Variants in NUDCD3 observed in about 807,000 individuals in gnomAD.
The protein encoded by NUDCD3 is NudC domain containing 3.
In NUDCD3, 13 loss-of-function variants were observed where a neutral mutation model predicts 39.7. The ratio of observed to expected loss-of-function variants is 0.33; its 90% CI spans 0.21 to 0.52. NUDCD3 has a LOEUF of 0.52. Among genes scored for constraint, NUDCD3 ranks in the 20% least tolerant of loss-of-function variants. NUDCD3 has a pLI of 0.96. For missense variants in NUDCD3, 453 were observed against 458.1 expected, an observed-to-expected ratio of 0.99 and a Z score of 0.10; for synonymous variants, 175 against 172.4, an observed-to-expected ratio of 1.02 and a Z score of -0.12.
Position 44,385,979 on chromosome 7 carries a change from C to A in NUDCD3, c.*32G>T, listed in dbSNP as rs1258059012. 2 of 1,119,598 alleles carry A rather than the reference C, an allele frequency of 1.8e-6. No homozygotes were observed. The highest frequency in any genetic ancestry group is 2.7e-6 in the Non-Finnish European group (2 of 729,538). The allele number at this position is 1,119,598 out of a possible 1,614,324, so 69.4% of individuals were successfully genotyped here. A position where few individuals can be genotyped will look rare whatever the true frequency, so the allele number is the denominator to read the frequency against. On this transcript the variant is annotated 3_prime_UTR_variant, in exon 6 of 6. Coordinates refer to ENST00000355451, the MANE Select transcript of NUDCD3 (RefSeq NM_015332.4). ...CAGCCGAGGATAAGGCTCTGCCTCC[C>A]CACCGGCGAGGGTTTCCTTTCCTTC...
intron 2 of NUDCD3, among the ~76,000 whole-genome samples, chr7:44,481,847 T>A (rs922798675): frequency 6.6e-6 from 1 of 152,180 alleles, no homozygotes; most frequent in East Asian, 1.9e-4. Context: ...CCTTCATGAC[T>A]GGAATTAGTG....
At chr7:44,418,759 G>A (rs1377049224) in intron 3 of NUDCD3, among the ~76,000 whole-genome samples, 6 of 152,188 alleles carry the variant, frequency 3.9e-5, no homozygotes, top group Admixed American at 6.5e-5. Context: ...TAGGCAGCGG[G>A]TGCAGCCCAC....
intron 2 of NUDCD3, among the ~76,000 whole-genome samples, chr7:44,428,663 C>A (rs915933095): frequency 6.6e-6 from 1 of 152,042 alleles, no homozygotes; most frequent in Non-Finnish European, 1.5e-5. Context: ...AAACACAGCA[C>A]TAAATACAGA....
intron 3 of NUDCD3, among the ~76,000 whole-genome samples, chr7:44,410,696 T>C (rs1476047520): frequency 7.2e-6 from 1 of 139,664 alleles, no homozygotes. Flanking sequence ...AGGCCAGGCA[T>C]GGTGGCTCAC....
At chr7:44,421,723 G>A (rs955036550) in intron 3 of NUDCD3, among the ~76,000 whole-genome samples, 1 of 152,094 alleles carries the variant, frequency 6.6e-6, no homozygotes. Flanking sequence ...ATAATAGTGG[G>A]AGACTTTAAC....
At chr7:44,462,953 G>C (rs1171366079) in intron 2 of NUDCD3, among the ~76,000 whole-genome samples, 2 of 121,690 alleles carry the variant, frequency 1.6e-5, no homozygotes, top group Admixed American at 8.1e-5. Flanking sequence ...GGCTGTGTGT[G>C]TGTGTGTGTG....
In NUDCD3 at chr7:44,380,125, A is replaced by G. The variant is rs910814728; in HGVS notation, c.*5886T>C. On this transcript the variant is annotated 3_prime_UTR_variant, in exon 6 of 6. Coordinates refer to ENST00000355451, the MANE Select transcript of NUDCD3 (RefSeq NM_015332.4). ...GTCATCAGGCACCCTGAATGCTTTC[A>G]GGTGGATGGTTTGGATCTCTCCTCA... is the stretch of plus-strand genomic sequence containing the variant. The G allele has an allele frequency of 6.6e-6, 1 of 152,274 alleles. No individual in the cohort carries two copies. Among genetic ancestry groups the G allele is most frequent in the African/African-American group, 2.4e-5 (1 of 41,434 alleles). 9.4% of individuals were successfully genotyped at this position (152,274 alleles called of 1,614,324 possible).
Position 44,468,290 on chromosome 7 carries a change from G to A in NUDCD3, c.509+16678C>T, listed in dbSNP as rs369827897. 1.3e-5 allele frequency: 20 copies of A among 1,505,926 alleles called. 1 individual carries two copies. The highest frequency in any genetic ancestry group is 7.8e-5 in the South Asian group (7 of 89,328). 93.3% of individuals were successfully genotyped at this position (1,505,926 alleles called of 1,614,324 possible). On this transcript the variant is annotated intron_variant, in intron 2 of 5. Transcript: ENST00000355451. ...CAACCCCAATGCCAGGCTGCGCAGC[G>A]AAGAAAATGAGTAGACAGCTCGTGT...
At chr7:44,402,821 C>G in intron 4 of NUDCD3, 1 of 395,720 alleles carries the variant, frequency 2.5e-6, no homozygotes, top group Non-Finnish European at 5.2e-6. Flanking sequence ...TAGTGTAATA[C>G]AGGCGGCCAG....
At position 44,490,655 on chromosome 7, in the gene NUDCD3, G is replaced by A. The variant is rs557827243; in HGVS notation, c.-55C>T. Reference sequence around the variant, plus strand: ...CACACAGCGCCGCCTCAGACCTGCCGACTGGCCACTTCCGGCGTCCGCAGC... The same window carrying A: ...CACACAGCGCCGCCTCAGACCTGCCAACTGGCCACTTCCGGCGTCCGCAGC... On this transcript the variant is annotated 5_prime_UTR_variant, in exon 1 of 6. Coordinates refer to ENST00000355451, the MANE Select transcript of NUDCD3 (RefSeq NM_015332.4). 5.4e-4 allele frequency: 811 copies of A among 1,510,326 alleles called. No homozygotes were observed. Among genetic ancestry groups the A allele is most frequent in the Non-Finnish European group, 6.5e-4 (736 of 1,128,884 alleles). The allele number at this position is 1,510,326 out of a possible 1,614,324, so 93.6% of individuals were successfully genotyped here. A position where few individuals can be genotyped will look rare whatever the true frequency, so the allele number is the denominator to read the frequency against.
intron 2 of NUDCD3, among the ~76,000 whole-genome samples, chr7:44,457,123 TTC>T (rs964776622): frequency 2.0e-5 from 3 of 152,178 alleles, no homozygotes; most frequent in Non-Finnish European, 4.4e-5. Context: ...CTCAAAAACT[TTC>T]TGTGTCATGG....
At chr7:44,455,122 T>C (rs1340317200) in intron 2 of NUDCD3, among the ~76,000 whole-genome samples, 1 of 152,090 alleles carries the variant, frequency 6.6e-6, no homozygotes, top group Non-Finnish European at 1.5e-5. Context: ...AGACAGTAAC[T>C]ACCACTTGTA....
In NUDCD3 at chr7:44,381,040, C is replaced by A. The variant is rs11765266; in HGVS notation, c.*4971G>T. 18,386 of 152,382 alleles carry A rather than the reference C, an allele frequency of 0.12. 1,500 individuals are homozygous for A. Among genetic ancestry groups the A allele is most frequent in the Non-Finnish European group, 0.18 (12,299 of 68,062 alleles). 9.4% of individuals were successfully genotyped at this position (152,382 alleles called of 1,614,324 possible). On this transcript the variant is annotated 3_prime_UTR_variant, in exon 6 of 6. Transcript: ENST00000355451. ...AGCAGGCTCCTAACAGCCTGAGTGA[C>A]CTCCTCATAGCATGGGGTCAGTGCA...
chr7:44,475,585 C>T (rs1800350438), intron 2 of NUDCD3, among the ~76,000 whole-genome samples: 1 of 151,794 alleles, frequency 6.6e-6, no homozygotes, highest in African/African-American at 2.4e-5. Context: ...CAGGGAGTCT[C>T]GTCTCTACAA....
intron 2 of NUDCD3, among the ~76,000 whole-genome samples, chr7:44,450,867 T>C (rs906991761): frequency 2.0e-5 from 3 of 152,154 alleles, no homozygotes; most frequent in Non-Finnish European, 4.4e-5. Flanking sequence ...TGTTGACCAT[T>C]TGTGTTCTGC....
At chr7:44,421,293 C>T (rs1341302581) in intron 3 of NUDCD3, among the ~76,000 whole-genome samples, 1 of 146,474 alleles carries the variant, frequency 6.8e-6, no homozygotes, top group Non-Finnish European at 1.5e-5. Context: ...AAGATTGCGC[C>T]ACTGACTCCA....
At chr7:44,477,611 G>A (rs17711749) in intron 2 of NUDCD3, among the ~76,000 whole-genome samples, 19,570 of 151,994 alleles carry the variant, frequency 0.13, 1,669 homozygotes, top group Non-Finnish European at 0.19. Context: ...AAACCCTACC[G>A]TGAGGTCATC....
chr7:44,393,697 T>A lies in NUDCD3; in HGVS notation c.787-1212A>T, dbSNP rs148002476. 4.5e-4 allele frequency among the ~76,000 whole-genome samples: 68 copies of A among 152,310 alleles called. No homozygotes were observed. In the East Asian group the frequency reaches 0.011, roughly 24 times the overall value. On this transcript the variant is annotated intron_variant, in intron 4 of 5. Coordinates refer to ENST00000355451, the MANE Select transcript of NUDCD3 (RefSeq NM_015332.4). ...CATGCCCAAGTGTGATGGGACTCTC[T>A]GATGGGATTAAACCACTAGGTGCTC...
intron 3 of NUDCD3, among the ~76,000 whole-genome samples, chr7:44,417,106 G>A (rs1799041723): frequency 6.6e-6 from 1 of 152,178 alleles, no homozygotes; most frequent in Non-Finnish European, 1.5e-5. Context: ...CAGCAATCTT[G>A]TCTGTCTTGG....
Sources: allele counts gnomAD v4.1 joint callset (sites outside exome capture counted in the v4.1 genomes callset), GRCh38; gene constraint gnomAD v4.1.1; transcripts MANE v1.5; gene names NCBI Gene and HGNC (gene_info 2026-07-23, HGNC 2026-07-21).